The following SCAPER variants were observed in gnomAD, a reference collection of about 807,000 sequenced individuals.
SCAPER encodes the protein S phase cyclin A-associated protein in the endoplasmic reticulum.
SCAPER carries 98 observed loss-of-function variants against 182.2 expected under a neutral mutation model. That is an observed-to-expected ratio of 0.54 (90% confidence interval 0.46 to 0.64). The LOEUF (loss-of-function observed/expected upper bound fraction) is 0.64, where lower values mean the gene tolerates loss of function less well. Among genes scored for constraint, SCAPER ranks in the 30% least tolerant of loss-of-function variants. The pLI, the probability that SCAPER is intolerant of heterozygous loss-of-function variation, is 0.00. For synonymous variants in SCAPER, 605 were observed against 564.6 expected (o/e 1.07, Z -1.01); for missense variants, 1,432 against 1,690.0 (o/e 0.85, Z 2.68).
intron 22 of SCAPER, among the ~76,000 whole-genome samples, chr15:76,601,988 T>C (rs2049964482): frequency 8.3e-6 from 1 of 121,136 alleles, no homozygotes; most frequent in African/African-American, 2.5e-5. Context: ...ATGAGTTTTA[T>C]ATCCTGAGAA....
Position 76,403,105 on chromosome 15 carries a change from G to A in SCAPER, c.3467+1419C>T, listed in dbSNP as rs189650713. ...AACACAGGGAAACTGTGTTCAAAAAGAGAGAGGGTCAGCACAGGTCTCCTG... is the reference window on the plus strand; with the variant it reads ...AACACAGGGAAACTGTGTTCAAAAAAAGAGAGGGTCAGCACAGGTCTCCTG... On this transcript the variant is annotated intron_variant, in intron 27 of 31. Transcript: ENST00000563290. Among the ~76,000 whole-genome samples the A allele has an allele frequency of 6.8e-3, 1,031 of 152,332 alleles. 5 individuals carry two copies. The highest frequency in any genetic ancestry group is 0.011 in the Non-Finnish European group (767 of 68,028).
chr15:76,712,750 G>T (rs1351014801), intron 17 of SCAPER, among the ~76,000 whole-genome samples: 6 of 151,848 alleles, frequency 4.0e-5, no homozygotes, highest in Non-Finnish European at 8.8e-5. Flanking sequence ...GTCTGTTATT[G>T]GTGTATAAGA....
intron 5 of SCAPER, among the ~76,000 whole-genome samples, chr15:76,817,501 C>T (rs977913229): frequency 9.2e-5 from 14 of 152,070 alleles, no homozygotes; most frequent in African/African-American, 3.4e-4. Context: ...ATCTAATATA[C>T]AGCATGAGGG....
chr15:76,812,573 G>C (rs981936155), intron 5 of SCAPER, among the ~76,000 whole-genome samples: 3 of 151,256 alleles, frequency 2.0e-5, no homozygotes, highest in African/African-American at 7.3e-5. Context: ...CAAAACCTTA[G>C]GGTGAAAAAA....
intron 22 of SCAPER, among the ~76,000 whole-genome samples, chr15:76,610,636 C>T (rs915228856): frequency 1.3e-5 from 2 of 151,880 alleles, no homozygotes; most frequent in African/African-American, 4.8e-5. Flanking sequence ...TATGTATAAA[C>T]AACAAACTAT....
chr15:76,488,894 T>C (rs1364301269), intron 24 of SCAPER, among the ~76,000 whole-genome samples: 3 of 151,212 alleles, frequency 2.0e-5, no homozygotes, highest in African/African-American at 7.3e-5. Context: ...AGCTAATTTT[T>C]GTATTTTTAG....
intron 23 of SCAPER, among the ~76,000 whole-genome samples, chr15:76,548,812 C>G (rs954135070): frequency 6.6e-6 from 1 of 152,120 alleles, no homozygotes. Context: ...GACTAAAGAC[C>G]TAAATGTTAG....
chr15:76,890,480 G>C (rs1443046893), intron 1 of SCAPER, among the ~76,000 whole-genome samples: 4 of 152,130 alleles, frequency 2.6e-5, no homozygotes, highest in Non-Finnish European at 4.4e-5. Context: ...AAATGACAAA[G>C]GGGATATCAC....
chr15:76,549,361 T>G (rs560940657), intron 23 of SCAPER, among the ~76,000 whole-genome samples: 10 of 152,306 alleles, frequency 6.6e-5, no homozygotes, highest in African/African-American at 2.2e-4. Flanking sequence ...CCAACCCAAA[T>G]GTCCAACAAT....
rs531701953 is a variant in SCAPER at position 76,744,789 on chromosome 15, C to T, written c.1866+9019G>A. Among the ~76,000 whole-genome samples the T allele has an allele frequency of 5.5e-4, 83 of 152,256 alleles. 1 individual carries two copies. The highest frequency in any genetic ancestry group is 1.8e-3 in the African/African-American group (74 of 41,552). ...CAGCAATTCCATTACTGGGGATATA[C>T]CCATTGGAAAACAAATTATTATACC... On this transcript the variant is annotated intron_variant, in intron 15 of 31. Transcript: ENST00000563290.
At chr15:76,436,822 T>A (rs1212605671) in intron 25 of SCAPER, among the ~76,000 whole-genome samples, 3 of 152,166 alleles carry the variant, frequency 2.0e-5, no homozygotes, top group Admixed American at 2.0e-4. Flanking sequence ...GAGTTTCAAT[T>A]TGGGTGATTA....
chr15:76,563,581 A>G (rs2046808048), intron 23 of SCAPER, among the ~76,000 whole-genome samples: 1 of 152,198 alleles, frequency 6.6e-6, no homozygotes, highest in South Asian at 2.1e-4. Flanking sequence ...GCTGAAGTCT[A>G]TCAGGTATAC....
At chr15:76,885,540 A>G (rs1035515783) in intron 1 of SCAPER, among the ~76,000 whole-genome samples, 2 of 152,174 alleles carry the variant, frequency 1.3e-5, no homozygotes, top group African/African-American at 4.8e-5. Flanking sequence ...CTGGAGTGCA[A>G]TGGTGCAATC....
At chr15:76,746,409 T>A (rs1212776618) in intron 15 of SCAPER, among the ~76,000 whole-genome samples, 1 of 146,422 alleles carries the variant, frequency 6.8e-6, no homozygotes, top group Non-Finnish European at 1.6e-5. Context: ...ATGAAAACTC[T>A]ACACTTAACA....
intron 5 of SCAPER, among the ~76,000 whole-genome samples, chr15:76,818,085 T>C (rs1304361462): frequency 6.6e-6 from 1 of 152,132 alleles, no homozygotes; most frequent in Non-Finnish European, 1.5e-5. Context: ...AGGGTGGTAC[T>C]AGGATAAAAG....
At chr15:76,528,357 A>G (rs2043362676) in intron 23 of SCAPER, among the ~76,000 whole-genome samples, 1 of 151,868 alleles carries the variant, frequency 6.6e-6, no homozygotes, top group African/African-American at 2.4e-5. Context: ...TCGAGTCTAG[A>G]TCTCTCTTCT....
At chr15:76,620,081 A>AAT (rs1567619414) in intron 22 of SCAPER, among the ~76,000 whole-genome samples, 6 of 151,882 alleles carry the variant, frequency 4.0e-5, no homozygotes, top group South Asian at 4.2e-4. Flanking sequence ...GTCTTCAAAA[A>AAT]ATATATATAT....
At chr15:76,804,759 T>A in intron 5 of SCAPER, 126 bp from the exon 6 acceptor site, 1 of 499,020 alleles carries the variant, frequency 2.0e-6, no homozygotes. Context: ...AAAAGCTGCG[T>A]AAGTTACAGA....
Position 76,899,690 on chromosome 15 carries a change from C to T in SCAPER, c.-60+5609G>A, listed in dbSNP as rs543907837. 1.6e-4 allele frequency among the ~76,000 whole-genome samples: 24 copies of T among 151,900 alleles called. 1 individual carries two copies. The highest frequency in any genetic ancestry group is 4.6e-4 in the African/African-American group (19 of 41,406). On this transcript the variant is annotated intron_variant, in intron 1 of 31. Coordinates refer to ENST00000563290, the MANE Select transcript of SCAPER (RefSeq NM_020843.4). ...CTGGAAAGTGAGGAGCACCTCTGCCCGGCCGCCACCCCGTCTAGGAAGTGA... is the reference window on the plus strand; with the variant it reads ...CTGGAAAGTGAGGAGCACCTCTGCCTGGCCGCCACCCCGTCTAGGAAGTGA...
Sources: allele counts gnomAD v4.1 joint callset (sites outside exome capture counted in the v4.1 genomes callset), GRCh38; gene constraint gnomAD v4.1.1; transcripts MANE v1.5; gene names NCBI Gene and HGNC (gene_info 2026-07-23, HGNC 2026-07-21).